PREX2: variants seen among roughly 807,000 people sequenced by gnomAD.
The protein encoded by PREX2 is phosphatidylinositol-3,4,5-trisphosphate dependent Rac exchange factor 2, also known as phosphatidylinositol 3,4,5-trisphosphate-dependent Rac exchanger 2 protein.
Under a neutral mutation model 203.2 loss-of-function variants are expected in PREX2, and 107 were observed. The ratio of observed to expected loss-of-function variants is 0.53; its 90% CI spans 0.45 to 0.62. The LOEUF (loss-of-function observed/expected upper bound fraction) is 0.62. Ranked by LOEUF, PREX2 falls within the 20% of genes least tolerant of loss-of-function variation. PREX2 has a pLI of 0.00. For missense variants in PREX2, 1,777 were observed against 1,955.9 expected, an observed-to-expected ratio of 0.91 and a Z score of 1.72; for synonymous variants, 672 against 663.6, an observed-to-expected ratio of 1.01 and a Z score of -0.19.
chr8:68,217,126 C>T (rs965810134), intron 37 of PREX2, among the ~76,000 whole-genome samples: 1 of 152,116 alleles, frequency 6.6e-6, no homozygotes, highest in Non-Finnish European at 1.5e-5. Context: ...TACAAATACT[C>T]TTTTAGATTG....
intron 6 of PREX2, among the ~76,000 whole-genome samples, chr8:68,031,617 A>G (rs1342439647): frequency 6.6e-6 from 1 of 152,164 alleles, no homozygotes; most frequent in Non-Finnish European, 1.5e-5. Flanking sequence ...TCTCCTGTGA[A>G]TCTTTTAAAA....
At chr8:68,015,378 G>A (rs939953910) in intron 1 of PREX2, among the ~76,000 whole-genome samples, 1 of 152,180 alleles carries the variant, frequency 6.6e-6, no homozygotes, top group Non-Finnish European at 1.5e-5. Flanking sequence ...ATGCTAACAA[G>A]TTCCAGATTT....
Position 68,072,563 on chromosome 8 carries a change from T to C in PREX2, c.1562T>C (p.Ile521Thr), listed in dbSNP as rs1370821940. 2 of 1,573,284 alleles carry C rather than the reference T, an allele frequency of 1.3e-6. No individual in the cohort carries two copies. The highest frequency in any genetic ancestry group is 1.1e-5 in the South Asian group (1 of 89,894). The change falls in exon 14 of 40, where the codon ATT (isoleucine) becomes ACT (threonine). Residue 521 changes from isoleucine (I) to threonine (T), a missense_variant. Transcript: ENST00000288368. The stretch of plus-strand genomic sequence containing the variant: ...GCCAACAAACTGATAGACTGGTTAA[T>C]TGCACAGGTAAATAGACAAATAGAA... ...VMANKLIDWL[I>T]AQGDCRTREE...
chr8:68,162,971 C>A (rs796408362), intron 35 of PREX2, among the ~76,000 whole-genome samples: 1 of 152,178 alleles, frequency 6.6e-6, no homozygotes, highest in Admixed American at 6.5e-5. Context: ...CAAACACAGA[C>A]AAAAATGTCC....
At chr8:68,178,770 G>T (rs1032617238) in intron 35 of PREX2, among the ~76,000 whole-genome samples, 2 of 152,046 alleles carry the variant, frequency 1.3e-5, no homozygotes, top group Non-Finnish European at 2.9e-5. Context: ...CTTTAATAAC[G>T]CTCTTGGTAG....
At chr8:68,039,971 A>G (rs1182176568) in intron 7 of PREX2, among the ~76,000 whole-genome samples, 2 of 152,118 alleles carry the variant, frequency 1.3e-5, no homozygotes, top group Non-Finnish European at 2.9e-5. Context: ...AAATCAGATC[A>G]TGTTGTCACC....
chr8:68,115,808 A>G lies in PREX2; in HGVS notation c.3202A>G (p.Ile1068Val). ...ATTAGAACGTAAGACATCAGAGGGC[A>G]TAATACCAACAGACAGTGACAATGA... Reference protein sequence around the residue: ...PKLERKTSEGIIPTDSDNEKG... With the variant: ...PKLERKTSEGVIPTDSDNEKG... The change falls in exon 26 of 40, where the codon ATA (isoleucine) becomes GTA (valine). Residue 1068 changes from isoleucine (I) to valine (V), a missense_variant. Transcript: ENST00000288368. The G allele has an allele frequency of 6.2e-7, 1 of 1,613,882 alleles. No individual in the cohort carries two copies. The highest frequency in any genetic ancestry group is 8.5e-7 in the Non-Finnish European group (1 of 1,179,814).
intron 1 of PREX2, among the ~76,000 whole-genome samples, chr8:67,973,746 G>A (rs922101854): frequency 6.6e-6 from 1 of 152,172 alleles, no homozygotes; most frequent in African/African-American, 2.4e-5. Context: ...GTATATCACA[G>A]TTTATAAAAC....
chr8:68,157,180 T>C lies in PREX2; in HGVS notation c.4232-142T>C, dbSNP rs928338286. 21 of 458,272 alleles carry C rather than the reference T, an allele frequency of 4.6e-5. 1 individual carries two copies. The highest frequency in any genetic ancestry group is 2.8e-4 in the Admixed American group (7 of 24,792). The allele number at this position is 458,272 out of a possible 1,614,324, so 28.4% of individuals were successfully genotyped here. On this transcript the variant is annotated intron_variant, in intron 34 of 39. Coordinates refer to ENST00000288368, the MANE Select transcript of PREX2 (RefSeq NM_024870.4). Reference sequence around the variant, plus strand: ...AGAGCAGAACAGTTTTCATTCATTTTTGGACCTAACATAGTTTTTTTGCAT... The same window carrying C: ...AGAGCAGAACAGTTTTCATTCATTTCTGGACCTAACATAGTTTTTTTGCAT...
chr8:68,001,816 T>C (rs957422404), intron 1 of PREX2, among the ~76,000 whole-genome samples: 4 of 152,202 alleles, frequency 2.6e-5, no homozygotes, highest in African/African-American at 9.6e-5. Context: ...CTGAAGGCCA[T>C]TGTCCTTAGC....
chr8:68,014,213 T>G (rs1213803690), intron 1 of PREX2, among the ~76,000 whole-genome samples: 1 of 152,212 alleles, frequency 6.6e-6, no homozygotes, highest in African/African-American at 2.4e-5. Flanking sequence ...GATAGCAAAT[T>G]TGTGACATTT....
chr8:68,059,428 C>T (rs1808779103), intron 10 of PREX2, among the ~76,000 whole-genome samples: 1 of 152,132 alleles, frequency 6.6e-6, no homozygotes, highest in Non-Finnish European at 1.5e-5. Flanking sequence ...TTCACAGCCA[C>T]AGCAGTGTGT....
At chr8:68,127,501 C>A in intron 31 of PREX2, 82 bp downstream of exon 31, 2 of 875,298 alleles carry the variant, frequency 2.3e-6, no homozygotes, top group Non-Finnish European at 3.7e-6. Flanking sequence ...TTGAGGACAA[C>A]GCCTTCAACC....
At chr8:68,138,199 G>A (rs1585821918) in intron 32 of PREX2, among the ~76,000 whole-genome samples, 2 of 152,034 alleles carry the variant, frequency 1.3e-5, no homozygotes, top group East Asian at 3.9e-4. Context: ...AGAGAAAAGG[G>A]AAAATATAAA....
chr8:68,012,859 G>C (rs950781500), intron 1 of PREX2, among the ~76,000 whole-genome samples: 1 of 152,148 alleles, frequency 6.6e-6, no homozygotes, highest in African/African-American at 2.4e-5. Context: ...CACTACAAAG[G>C]TTTATTTTAA....
At chr8:68,227,089 T>C (rs1185709150) in intron 39 of PREX2, among the ~76,000 whole-genome samples, 1 of 152,134 alleles carries the variant, frequency 6.6e-6, no homozygotes, top group Non-Finnish European at 1.5e-5. Flanking sequence ...TTGAAGACAA[T>C]AGGGAGGCAT....
In PREX2 at chr8:68,063,217, A is replaced by G. The variant is rs1170349847; in HGVS notation, c.1339+2438A>G. On this transcript the variant is annotated intron_variant, in intron 11 of 39. Transcript: ENST00000288368. ...TTTAATAGGATCGCATAGATCTTAT[A>G]TTGACCAGGGAACTGTGCCTCAGTG... 5.9e-5 allele frequency among the ~76,000 whole-genome samples: 9 copies of G among 152,238 alleles called. No individual in the cohort carries two copies. In the East Asian group the frequency reaches 1.5e-3, roughly 26 times the overall value.
At chr8:67,972,582 A>G (rs144317183) in intron 1 of PREX2, among the ~76,000 whole-genome samples, 179 of 152,052 alleles carry the variant, frequency 1.2e-3, no homozygotes, top group African/African-American at 4.1e-3. Context: ...TAGTTCTGTC[A>G]CCAGTTTTGA....
chr8:68,147,220 A>G (rs1808707932), intron 34 of PREX2, among the ~76,000 whole-genome samples: 1 of 152,242 alleles, frequency 6.6e-6, no homozygotes, highest in East Asian at 1.9e-4. Context: ...ATAAAAAATG[A>G]GAAGAGTAGA....
Sources: gnomAD v4.1 joint callset for allele counts (sites outside exome capture counted in the v4.1 genomes callset) on GRCh38, gnomAD v4.1.1 for gene constraint, MANE v1.5 for transcripts, NCBI Gene and HGNC (gene_info 2026-07-23, HGNC 2026-07-21) for gene names.